Variants in ARHGAP24 observed in about 807,000 individuals in gnomAD.
The protein encoded by ARHGAP24 is rho GTPase-activating protein 24.
ARHGAP24 carries 50 observed loss-of-function variants against 76.4 expected under a neutral mutation model. The ratio of observed to expected loss-of-function variants is 0.65; its 90% CI spans 0.52 to 0.83. The LOEUF is 0.83. Among genes scored for constraint, ARHGAP24 ranks in the 40% least tolerant of loss-of-function variants. The pLI, the probability that ARHGAP24 is intolerant of heterozygous loss-of-function variation, is 0.00. For missense variants in ARHGAP24, 930 were observed against 914.2 expected (o/e 1.02, Z -0.22); for synonymous variants, 345 against 323.3 (o/e 1.07, Z -0.72).
chr4:85,728,455 A>G (rs1395101148), intron 3 of ARHGAP24, among the ~76,000 whole-genome samples: 2 of 152,072 alleles, frequency 1.3e-5, no homozygotes, highest in African/African-American at 4.8e-5. Context: ...TATTTTATCT[A>G]TGTACATGTG....
At chr4:85,865,837 C>A (rs962630259) in intron 3 of ARHGAP24, among the ~76,000 whole-genome samples, 4 of 151,550 alleles carry the variant, frequency 2.6e-5, no homozygotes, top group Non-Finnish European at 5.9e-5. Flanking sequence ...TAGCTGAATT[C>A]TTTATTATTT....
Position 86,000,874 on chromosome 4 carries a change from G to T in ARHGAP24, c.*152G>T. On this transcript the variant is annotated 3_prime_UTR_variant, in exon 10 of 10. Coordinates refer to ENST00000395184, the MANE Select transcript of ARHGAP24 (RefSeq NM_001025616.3). The stretch of plus-strand genomic sequence containing the variant: ...TTACAGACATTAAACATCCATATCT[G>T]CAATGTGTACCAAAGTTATATCATG... The T allele has an allele frequency of 8.6e-7, 1 of 1,156,272 alleles. No homozygotes were observed. Among genetic ancestry groups the T allele is most frequent in the Non-Finnish European group, 1.2e-6 (1 of 814,102 alleles). 71.6% of individuals were successfully genotyped at this position (1,156,272 alleles called of 1,614,324 possible). A position where few individuals can be genotyped will look rare whatever the true frequency, so the allele number is the denominator to read the frequency against.
chr4:85,659,211 C>A (rs1424366716), intron 2 of ARHGAP24, among the ~76,000 whole-genome samples: 2 of 152,146 alleles, frequency 1.3e-5, no homozygotes, highest in African/African-American at 4.8e-5. Context: ...AGTTAAGAAA[C>A]TCTGGACCAA....
intron 2 of ARHGAP24, among the ~76,000 whole-genome samples, chr4:85,719,451 G>C (rs1724850172): frequency 6.6e-6 from 1 of 152,168 alleles, no homozygotes; most frequent in East Asian, 1.9e-4. Flanking sequence ...ATCAGTCTAA[G>C]CCCAGAAGGA....
intron 1 of ARHGAP24, among the ~76,000 whole-genome samples, chr4:85,513,175 G>A (rs1209670932): frequency 1.3e-5 from 2 of 152,226 alleles, no homozygotes; most frequent in African/African-American, 4.8e-5. Context: ...ACTCCATAGG[G>A]AATTTACCAT....
At chr4:85,616,185 A>G (rs1398487520) in intron 2 of ARHGAP24, among the ~76,000 whole-genome samples, 1 of 152,216 alleles carries the variant, frequency 6.6e-6, no homozygotes, top group African/African-American at 2.4e-5. Flanking sequence ...AAGGCATGAA[A>G]CTATATTAAT....
chr4:85,879,185 CT>C (rs1733100731), intron 3 of ARHGAP24, among the ~76,000 whole-genome samples: 2 of 152,136 alleles, frequency 1.3e-5, no homozygotes, highest in African/African-American at 2.4e-5. Flanking sequence ...ACATCATGAT[CT>C]TGTTCTATGC....
intron 3 of ARHGAP24, among the ~76,000 whole-genome samples, chr4:85,878,818 C>A (rs1733081332): frequency 6.6e-6 from 1 of 152,168 alleles, no homozygotes; most frequent in African/African-American, 2.4e-5. Flanking sequence ...CTTCTCCCTG[C>A]AATATAACAT....
chr4:85,959,636 G>T (rs1384699343), intron 5 of ARHGAP24, among the ~76,000 whole-genome samples: 3 of 151,980 alleles, frequency 2.0e-5, no homozygotes, highest in African/African-American at 7.3e-5. Context: ...TCTACTTTTT[G>T]GCTATTATCA....
intron 3 of ARHGAP24, among the ~76,000 whole-genome samples, chr4:85,762,862 GA>G (rs1212737129): frequency 1.3e-5 from 2 of 152,116 alleles, no homozygotes; most frequent in Non-Finnish European, 2.9e-5. Context: ...AACAAGCTTA[GA>G]AATGCTATTT....
chr4:85,911,297 T>G (rs1421522079), intron 3 of ARHGAP24, among the ~76,000 whole-genome samples: 2 of 152,132 alleles, frequency 1.3e-5, no homozygotes, highest in Non-Finnish European at 1.5e-5. Flanking sequence ...TGCCGGCTTG[T>G]GCAGCTCTGG....
In ARHGAP24 at chr4:85,747,632, A is replaced by G. The variant is rs1036844326; in HGVS notation, c.268+25660A>G. Among the ~76,000 whole-genome samples, 4 of 152,130 alleles carry G rather than the reference A, an allele frequency of 2.6e-5. No homozygotes were observed. The East Asian group carries it at 5.8e-4, about 22-fold the overall frequency. ...GCAGGAGAATGGCGTGAACCCGGGA[A>G]GCGGAGCTTGCAGTGAGCCGAGATT... is the stretch of plus-strand genomic sequence containing the variant. On this transcript the variant is annotated intron_variant, in intron 3 of 9. Coordinates refer to ENST00000395184, the MANE Select transcript of ARHGAP24 (RefSeq NM_001025616.3).
At chr4:85,507,182 C>T (rs1724088596) in intron 1 of ARHGAP24, among the ~76,000 whole-genome samples, 1 of 152,040 alleles carries the variant, frequency 6.6e-6, no homozygotes, top group African/African-American at 2.4e-5. Flanking sequence ...TCACTGATCA[C>T]TTTCCTCTAT....
At position 86,002,431 on chromosome 4, in the gene ARHGAP24, G is replaced by A. The variant is rs1741065432; in HGVS notation, c.*1709G>A. 1 of 152,158 alleles carries A rather than the reference G, an allele frequency of 6.6e-6. No homozygotes were observed. Among genetic ancestry groups the A allele is most frequent in the East Asian group, 1.9e-4 (1 of 5,180 alleles). 9.4% of individuals were successfully genotyped at this position (152,158 alleles called of 1,614,324 possible). A position where few individuals can be genotyped will look rare whatever the true frequency, so the allele number is the denominator to read the frequency against. On this transcript the variant is annotated 3_prime_UTR_variant, in exon 10 of 10. Transcript: ENST00000395184. ...GATAGGAAATTCAAACTCAAAATAT[G>A]AAAATTGATCTTAATAACTCTCCCT...
At chr4:85,796,432 TTTCTAG>T (rs778476584) in intron 3 of ARHGAP24, among the ~76,000 whole-genome samples, 11 of 152,144 alleles carry the variant, frequency 7.2e-5, no homozygotes, top group Non-Finnish European at 5.9e-5. Flanking sequence ...TATCAGAACT[TTTCTAG>T]TTCTAGTTAC....
intron 2 of ARHGAP24, among the ~76,000 whole-genome samples, chr4:85,577,944 T>C (rs539573943): frequency 6.6e-6 from 1 of 152,184 alleles, no homozygotes; most frequent in East Asian, 1.9e-4. Context: ...AGAGAGAGAT[T>C]TGGAGAAGAA....
intron 1 of ARHGAP24, among the ~76,000 whole-genome samples, chr4:85,528,383 T>C (rs1369933070): frequency 2.0e-5 from 3 of 152,074 alleles, no homozygotes; most frequent in African/African-American, 7.2e-5. Flanking sequence ...CAGGAGCCAC[T>C]GGAGTTTTTT....
intron 3 of ARHGAP24, among the ~76,000 whole-genome samples, chr4:85,871,023 T>C (rs919942129): frequency 6.6e-6 from 1 of 152,138 alleles, no homozygotes; most frequent in Non-Finnish European, 1.5e-5. Flanking sequence ...GAGATTAGTC[T>C]TGTTATTCCC....
chr4:85,894,509 C>T (rs1415924681), intron 3 of ARHGAP24, among the ~76,000 whole-genome samples: 3 of 152,182 alleles, frequency 2.0e-5, no homozygotes, highest in African/African-American at 4.8e-5. Context: ...TCATCCAGAT[C>T]AGACAAGATT....
Sources: gnomAD v4.1 joint callset for allele counts (sites outside exome capture counted in the v4.1 genomes callset) on GRCh38, gnomAD v4.1.1 for gene constraint, MANE v1.5 for transcripts, NCBI Gene and HGNC (gene_info 2026-07-23, HGNC 2026-07-21) for gene names.